CENPE: variants seen among roughly 807,000 people sequenced by gnomAD.
CENPE encodes the protein centromere protein E, also known as centromere-associated protein E.
Under a neutral mutation model 336.1 loss-of-function variants are expected in CENPE, and 145 were observed. That is an observed-to-expected ratio of 0.43 (90% CI 0.38 to 0.50). The LOEUF is 0.50. Ranked by LOEUF, CENPE falls within the 20% of genes least tolerant of loss-of-function variation. The pLI, the probability that CENPE is intolerant of heterozygous loss-of-function variation, is 0.00. For missense variants in CENPE, 2,719 were observed against 3,023.3 expected (o/e 0.90, Z 2.36); for synonymous variants, 1,013 against 984.8 (o/e 1.03, Z -0.54).
chr4:103,197,773 G>C (rs1464727185), intron 1 of CENPE, among the ~76,000 whole-genome samples: 1 of 152,210 alleles, frequency 6.6e-6, no homozygotes, highest in Non-Finnish European at 1.5e-5. Flanking sequence ...GGGCAATGAC[G>C]GGAGTGTCTG....
At chr4:103,171,998 C>T (rs1258563750) in intron 16 of CENPE, among the ~76,000 whole-genome samples, 3 of 151,872 alleles carry the variant, frequency 2.0e-5, no homozygotes, top group East Asian at 3.9e-4. Context: ...CAAAGAAAGG[C>T]CCAGGACCTG....
At chr4:103,143,615 T>A (rs1329315376) in intron 33 of CENPE, among the ~76,000 whole-genome samples, 3 of 152,186 alleles carry the variant, frequency 2.0e-5, no homozygotes, top group African/African-American at 7.2e-5. Context: ...ACCCTTCAAA[T>A]CAGCACTATA....
Position 103,161,379 on chromosome 4 carries a change from A to T in CENPE, c.1921T>A (p.Ser641Thr), listed in dbSNP as rs1560646004. The part of the protein sequence containing the change: ...ETVALDAKRE[S>T]AFLRSENLEL... ...AGATTTTCACTTCTAAGAAAGGCTGATTCTCTCTTGGCATCAAGGGCTACA... is the reference window on the plus strand; with the variant it reads ...AGATTTTCACTTCTAAGAAAGGCTGTTTCTCTCTTGGCATCAAGGGCTACA... The change falls in exon 19 of 49, where the codon TCA (serine) becomes ACA (threonine). Residue 641 changes from serine to threonine, a missense_variant. Ser to Thr is a moderately conservative substitution (Grantham distance 58). Around this residue, in one of 5 missense-constraint regions of CENPE, gnomAD observed 2,437 missense variants for 2,513.3 expected, o/e 0.97. Transcript: ENST00000265148. 6.2e-7 allele frequency: 1 copy of T among 1,612,360 alleles called. No individual in the cohort carries two copies.
rs1313061865 is a variant in CENPE, at chr4:103,145,519, T to C, written c.4572+4A>G. 2.5e-6 allele frequency: 4 copies of C among 1,596,350 alleles called. No individual in the cohort carries two copies. The highest frequency in any genetic ancestry group is 3.6e-5 in the Admixed American group (2 of 56,210). On this transcript the variant is annotated splice_donor_region_variant and intron_variant, in intron 31 of 48. Transcript: ENST00000265148. ...CTCCCACTGTTTCTTCATCCCCAAT[T>C]TACCTTGTTCTGTAATTTATCATTG...
At position 103,158,787 on chromosome 4, in the gene CENPE, A is replaced by T; in HGVS notation, c.2701T>A (p.Ser901Thr). 2 of 1,613,234 alleles carry T rather than the reference A, an allele frequency of 1.2e-6. No individual in the cohort carries two copies. The highest frequency in any genetic ancestry group is 1.7e-6 in the Non-Finnish European group (2 of 1,179,510). ...TCCCTTTCTACAGTTTGCAGCGTAG[A>T]ATCTCTATTTTCTAATTGTTCCTTC... ...QLKEQLENRDSTLQTVEREKT... is the reference protein window; with the variant it reads ...QLKEQLENRDTTLQTVEREKT... The change falls in exon 23 of 49, where the codon TCT (serine) becomes ACT (threonine). Residue 901 changes from serine (S) to threonine (T), a missense_variant. Ser to Thr is a moderately conservative substitution (Grantham distance 58, BLOSUM62 1). Coordinates refer to ENST00000265148, the MANE Select transcript of CENPE (RefSeq NM_001813.3).
chr4:103,179,808 C>T (rs75881551), intron 13 of CENPE, among the ~76,000 whole-genome samples: 120 of 152,270 alleles, frequency 7.9e-4, no homozygotes, highest in Non-Finnish European at 1.6e-3. Context: ...ATCCATGACA[C>T]CCTCACACCC....
intron 9 of CENPE, among the ~76,000 whole-genome samples, chr4:103,184,581 T>C (rs1756599636): frequency 6.6e-6 from 1 of 152,220 alleles, no homozygotes. Context: ...TATCAATTAA[T>C]GAATAATCTA....
At chr4:103,128,699 AT>A (rs1401457578) in intron 42 of CENPE, among the ~76,000 whole-genome samples, 1 of 152,208 alleles carries the variant, frequency 6.6e-6, no homozygotes, top group African/African-American at 2.4e-5. Context: ...AATATGACTT[AT>A]CAGTATCTGT....
chr4:103,169,058 A>G (rs1267658726), intron 16 of CENPE, among the ~76,000 whole-genome samples: 1 of 152,200 alleles, frequency 6.6e-6, no homozygotes, highest in African/African-American at 2.4e-5. Context: ...AACCTCAAGA[A>G]AACATAGAGA....
Position 103,194,101 on chromosome 4 carries a change from C to A in CENPE, c.693+128G>T, listed in dbSNP as rs984382528. The A allele has an allele frequency of 7.4e-6, 5 of 676,296 alleles. No individual in the cohort carries two copies. In the African/African-American group the frequency reaches 9.1e-5, roughly 12 times the overall value. 41.9% of individuals were successfully genotyped at this position (676,296 alleles called of 1,614,324 possible). On this transcript the variant is annotated intron_variant, in intron 8 of 48. Coordinates refer to ENST00000265148, the MANE Select transcript of CENPE (RefSeq NM_001813.3). Reference sequence around the variant, plus strand: ...ATTTGATGATACTGACAAGACTAAGCAGACAATTTGTAGATTTCCTCCCAC... The same window carrying A: ...ATTTGATGATACTGACAAGACTAAGAAGACAATTTGTAGATTTCCTCCCAC...
chr4:103,128,046 G>T (rs1324463344), intron 42 of CENPE, among the ~76,000 whole-genome samples: 2 of 151,804 alleles, frequency 1.3e-5, no homozygotes, highest in East Asian at 3.9e-4. Context: ...TTCAATATAA[G>T]GACACATAGA....
At chr4:103,186,676 A>C (rs1756797105) in intron 8 of CENPE, among the ~76,000 whole-genome samples, 1 of 152,204 alleles carries the variant, frequency 6.6e-6, no homozygotes, top group Non-Finnish European at 1.5e-5. Context: ...ATAGAGGAGG[A>C]GGCTGGTAAG....
chr4:103,185,883 A>C, intron 8 of CENPE, 22 bp from the exon 9 acceptor site: 1 of 1,554,186 alleles, frequency 6.4e-7, no homozygotes, highest in Non-Finnish European at 8.8e-7. Flanking sequence ...ATAAAAATAA[A>C]TCCTTAGGGC....
intron 16 of CENPE, among the ~76,000 whole-genome samples, chr4:103,173,902 T>TA (rs1755637761): frequency 2.0e-5 from 3 of 151,904 alleles, no homozygotes; most frequent in Admixed American, 1.3e-4. Flanking sequence ...AAGAGAATCC[T>TA]TTTATACTGT....
chr4:103,161,142 G>T lies in CENPE; in HGVS notation c.2075C>A (p.Ser692Tyr). ...MQVDLEKELQ[S>Y]AFNEITKLTS... ...GAGTTTTGTTATCTCATTAAAAGCAGATTGTAATTCTTTCTCCAGATCAAC... is the reference window on the plus strand; with the variant it reads ...GAGTTTTGTTATCTCATTAAAAGCATATTGTAATTCTTTCTCCAGATCAAC... The change falls in exon 20 of 49, where the codon TCT becomes TAT. Residue 692 changes from serine to tyrosine, a missense_variant. Ser to Tyr is a moderately radical substitution (Grantham distance 144, BLOSUM62 -2). This residue lies in a region of CENPE where 2,437 missense variants were observed against 2,513.3 expected (regional missense o/e 0.97). Coordinates refer to ENST00000265148, the MANE Select transcript of CENPE (RefSeq NM_001813.3). 1 of 1,611,854 alleles carries T rather than the reference G, an allele frequency of 6.2e-7. No individual in the cohort carries two copies. Among genetic ancestry groups the T allele is most frequent in the Non-Finnish European group, 8.5e-7 (1 of 1,178,960 alleles).
rs537565598 is a variant in CENPE at position 103,186,579 on chromosome 4, T to C, written c.694-718A>G. Reference sequence around the variant, plus strand: ...TTTCACAAATATTACTGAAAAGAAGTGGCTGCTTATTATGCTCCAGGAAGT... The same window carrying C: ...TTTCACAAATATTACTGAAAAGAAGCGGCTGCTTATTATGCTCCAGGAAGT... On this transcript the variant is annotated intron_variant, in intron 8 of 48. Coordinates refer to ENST00000265148, the MANE Select transcript of CENPE (RefSeq NM_001813.3). 1.4e-4 allele frequency among the ~76,000 whole-genome samples: 21 copies of C among 152,328 alleles called. No individual in the cohort carries two copies. In the South Asian group the frequency reaches 3.5e-3, roughly 26 times the overall value.
chr4:103,132,069 G>A (rs899005921), intron 42 of CENPE, among the ~76,000 whole-genome samples: 4 of 152,116 alleles, frequency 2.6e-5, no homozygotes, highest in African/African-American at 9.7e-5. Flanking sequence ...AATGTACTAT[G>A]CCAAGTGTGA....
intron 9 of CENPE, among the ~76,000 whole-genome samples, chr4:103,184,172 T>A (rs139740497): frequency 2.1e-4 from 32 of 152,308 alleles, no homozygotes; most frequent in South Asian, 8.3e-4. Flanking sequence ...AAACAAGCAT[T>A]TATTTTTTGT....
intron 40 of CENPE, among the ~76,000 whole-genome samples, 188 bp downstream of exon 40, chr4:103,135,953 G>A (rs1184262621): frequency 1.3e-5 from 2 of 152,266 alleles, no homozygotes; most frequent in South Asian, 2.1e-4. Context: ...CTGACATAAT[G>A]TCTAGGCCCA....
Sources: gnomAD v4.1 joint callset for allele counts (sites outside exome capture counted in the v4.1 genomes callset) on GRCh38, gnomAD v4.1.1 for gene constraint, gnomAD v4.1.1 regional missense constraint, MANE v1.5 for transcripts, NCBI Gene and HGNC (gene_info 2026-07-23, HGNC 2026-07-21) for gene names.